Variants in LBP observed in about 807,000 individuals in gnomAD.
The protein encoded by LBP is lipopolysaccharide binding protein, also known as lipopolysaccharide-binding protein.
In LBP, 53 loss-of-function variants were observed where a neutral mutation model predicts 56.6. The ratio of observed to expected loss-of-function variants is 0.94; its 90% CI spans 0.75 to 1.18. The LOEUF is 1.18. LBP is among the 50% of genes most tolerant of loss of function. The pLI is 0.00. For missense variants in LBP, 601 were observed against 598.3 expected (o/e 1.00, Z -0.05); for synonymous variants, 227 against 247.5 (o/e 0.92, Z 0.78).
Position 38,366,809 on chromosome 20 carries a change from T to C in LBP, c.962T>C (p.Phe321Ser). Residue 321 changes from phenylalanine to serine, a missense_variant, in exon 9 of 15, where the codon TTC (phenylalanine) becomes TCC (serine). Coordinates refer to ENST00000217407, the MANE Select transcript of LBP (RefSeq NM_004139.5). ...DSNIRLTTKS[F>S]RPFVPRLARL... ...AATATCCGACTGACCACCAAGTCCT[T>C]CCGACCCTTCGTCCCACGGGTAAGG... 6.2e-7 allele frequency: 1 copy of C among 1,614,156 alleles called. No homozygotes were observed. The highest frequency in any genetic ancestry group is 8.5e-7 in the Non-Finnish European group (1 of 1,180,030).
chr20:38,350,409 C>G (rs928640013), intron 2 of LBP, among the ~76,000 whole-genome samples: 2 of 152,192 alleles, frequency 1.3e-5, no homozygotes, highest in Admixed American at 6.5e-5. Context: ...CTGTTTCCCC[C>G]CTACCTGGAT....
At chr20:38,353,560 G>A (rs928919064) in intron 3 of LBP, among the ~76,000 whole-genome samples, 1 of 147,322 alleles carries the variant, frequency 6.8e-6, no homozygotes, top group Non-Finnish European at 1.5e-5. Context: ...GTATATCTTG[G>A]CAGGAAGAGC....
At chr20:38,359,974 G>T (rs1311672378) in intron 5 of LBP, among the ~76,000 whole-genome samples, 1 of 152,164 alleles carries the variant, frequency 6.6e-6, no homozygotes, top group Non-Finnish European at 1.5e-5. Context: ...TCTACAGGCC[G>T]AATGTGGTGG....
intron 1 of LBP, among the ~76,000 whole-genome samples, chr20:38,348,880 G>T (rs949739195): frequency 1.3e-5 from 2 of 151,848 alleles, no homozygotes; most frequent in African/African-American, 4.8e-5. Flanking sequence ...TGCAATCTCT[G>T]CCTCCCGGGT....
intron 14 of LBP, among the ~76,000 whole-genome samples, chr20:38,375,759 G>A (rs1430085003): frequency 6.6e-6 from 1 of 152,154 alleles, no homozygotes; most frequent in African/African-American, 2.4e-5. Flanking sequence ...GATGAACTGG[G>A]TTGGCGGACT....
intron 12 of LBP, 85 bp from the exon 13 acceptor site, chr20:38,372,987 C>T (rs2232617): frequency 0.092 from 107,910 of 1,169,584 alleles, 5,856 homozygotes; most frequent in African/African-American, 0.2. Flanking sequence ...GTTTGCTTTT[C>T]CCAAGCGTTT....
rs144933085 is a variant in LBP, at chr20:38,368,724, C to G, written c.982-271C>G. Among the ~76,000 whole-genome samples, 611 of 152,260 alleles carry G rather than the reference C, an allele frequency of 4.0e-3. 3 individuals are homozygous for G. Among genetic ancestry groups the G allele is most frequent in the African/African-American group, 0.014 (585 of 41,538 alleles). On this transcript the variant is annotated intron_variant, in intron 9 of 14. Transcript: ENST00000217407. ...GAGGTGGTCATTATAATGGCAAAAC[C>G]CTGGAGACAACTTGATGCCCAATAG...
At chr20:38,351,830 G>A (rs2076821572) in intron 3 of LBP, among the ~76,000 whole-genome samples, 1 of 152,004 alleles carries the variant, frequency 6.6e-6, no homozygotes, top group African/African-American at 2.4e-5. Context: ...AGACCAGCCT[G>A]GCCAACATGG....
At chr20:38,368,455 C>T (rs578261173) in intron 9 of LBP, among the ~76,000 whole-genome samples, 10 of 151,938 alleles carry the variant, frequency 6.6e-5, no homozygotes, top group South Asian at 6.2e-4. Context: ...CAAAATTAGC[C>T]GGGTGTGGTG....
intron 11 of LBP, 128 bp downstream of exon 11, chr20:38,370,933 G>T: frequency 2.5e-6 from 2 of 796,386 alleles, no homozygotes; most frequent in South Asian, 2.9e-5. Context: ...CACCCCAATT[G>T]GCCCAATTCT....
rs1600726189 is a variant in LBP at position 38,360,853 on chromosome 20, G to A, written c.652+86G>A. On this transcript the variant is annotated intron_variant, in intron 6 of 14. Transcript: ENST00000217407. Reference sequence around the variant, plus strand: ...ATATATCTTATAAAATAGTAAATGGGGCAAAAATATAGAAAGTAAAAATTA... The same window carrying A: ...ATATATCTTATAAAATAGTAAATGGAGCAAAAATATAGAAAGTAAAAATTA... The A allele has an allele frequency of 3.8e-5, 39 of 1,030,736 alleles. 1 individual carries two copies. The South Asian group carries it at 5.1e-4, about 13-fold the overall frequency. 63.8% of individuals were successfully genotyped at this position (1,030,736 alleles called of 1,614,324 possible). A position where few individuals can be genotyped will look rare whatever the true frequency, so the allele number is the denominator to read the frequency against.
In LBP at chr20:38,375,348, C is replaced by T. The variant is rs547560432; in HGVS notation, c.1402-1277C>T. ...CTGTAACCCCAGCACTTTGGGAGGC[C>T]AAGGCGGGCAGATCATGAGGTCAAA... On this transcript the variant is annotated intron_variant, in intron 14 of 14. Transcript: ENST00000217407. Among the ~76,000 whole-genome samples the T allele has an allele frequency of 8.6e-5, 13 of 151,636 alleles. No homozygotes were observed. The East Asian group carries it at 1.6e-3, about 18-fold the overall frequency.
chr20:38,366,857 G>A (rs984876027), intron 9 of LBP, 29 bp downstream of exon 9: 1 of 1,594,752 alleles, frequency 6.3e-7, no homozygotes, highest in African/African-American at 1.3e-5. Flanking sequence ...CCCCATGAGT[G>A]CAGACCGAGC....
intron 9 of LBP, among the ~76,000 whole-genome samples, chr20:38,368,051 G>T (rs2076888681): frequency 6.6e-6 from 1 of 151,612 alleles, no homozygotes; most frequent in South Asian, 2.1e-4. Flanking sequence ...AGTTAAAAAA[G>T]AAAGAAAGAA....
At chr20:38,363,459 G>A (rs1480113217) in intron 6 of LBP, among the ~76,000 whole-genome samples, 1 of 152,170 alleles carries the variant, frequency 6.6e-6, no homozygotes, top group East Asian at 1.9e-4. Context: ...GCTCGGAGGG[G>A]GAGACCCTGG....
intron 3 of LBP, among the ~76,000 whole-genome samples, chr20:38,352,328 T>A (rs1427096745): frequency 4.6e-5 from 7 of 152,200 alleles, no homozygotes; most frequent in African/African-American, 1.7e-4. Flanking sequence ...ACTTCAGACC[T>A]GCACTGCCTA....
In LBP at chr20:38,364,591, C is replaced by A. The variant is rs746618299; in HGVS notation, c.760C>A (p.Arg254Ser). ...CCCTCTCCAGGGTGAAATCTTTCAT[C>A]GTAACCACCGTTCTCCAGTTACCCT... is the stretch of plus-strand genomic sequence containing the variant. ...EVMFKGEIFH[R>S]NHRSPVTLLA... is the part of the protein sequence containing the mutation. The change falls in exon 8 of 15, where the codon CGT becomes AGT. Residue 254 changes from arginine to serine, a missense_variant. By Grantham distance (110) the Arg-to-Ser change is moderately radical (BLOSUM62 -1). Transcript: ENST00000217407. 6.2e-7 allele frequency: 1 copy of A among 1,614,094 alleles called. No homozygotes were observed. Among genetic ancestry groups the A allele is most frequent in the East Asian group, 2.2e-5 (1 of 44,884 alleles).
chr20:38,372,791 A>G (rs1054740279), intron 12 of LBP, among the ~76,000 whole-genome samples: 2 of 152,270 alleles, frequency 1.3e-5, no homozygotes, highest in South Asian at 4.2e-4. Flanking sequence ...TTCAGGAAAA[A>G]CATTCTCACT....
chr20:38,362,150 G>A (rs1313919354), intron 6 of LBP, among the ~76,000 whole-genome samples: 10 of 146,510 alleles, frequency 6.8e-5, no homozygotes, highest in African/African-American at 2.3e-4. Flanking sequence ...GCTTCGCCTC[G>A]CGATTTCACG....
Sources: allele counts gnomAD v4.1 joint callset (sites outside exome capture counted in the v4.1 genomes callset), GRCh38; gene constraint gnomAD v4.1.1; transcripts MANE v1.5; gene names NCBI Gene and HGNC (gene_info 2026-07-23, HGNC 2026-07-21).